The following ERC2 variants were observed in gnomAD, a reference collection of about 807,000 sequenced individuals.
ERC2 encodes ELKS/RAB6-interacting/CAST family member 2.
A neutral mutation model predicts 114.8 loss-of-function variants in ERC2; 42 were observed. The ratio of observed to expected loss-of-function variants is 0.37; its 90% CI spans 0.29 to 0.47. The LOEUF is 0.47. Among genes scored for constraint, ERC2 ranks in the 20% least tolerant of loss-of-function variants. The probability of loss-of-function intolerance (pLI) is 0.99; values close to 1 mark genes in which losing one functional copy is unlikely to be tolerated. For missense variants in ERC2, 939 were observed against 1,150.7 expected (o/e 0.82, Z 2.66); for synonymous variants, 454 against 425.5 (o/e 1.07, Z -0.82).
Position 56,042,939 on chromosome 3 carries a change from A to T in ERC2, c.1642-23908T>A, listed in dbSNP as rs4276153. 2.9e-3 allele frequency among the ~76,000 whole-genome samples: 435 copies of T among 152,292 alleles called. 8 individuals are homozygous for T. In the East Asian group the frequency reaches 0.056, roughly 20 times the overall value. ...GTCCTAAAACGGAACATCCTGAAAA[A>T]GTCCAATGATGGAATGGCAGGCAAA... is the stretch of plus-strand genomic sequence containing the variant. On this transcript the variant is annotated intron_variant, in intron 7 of 17. Coordinates refer to ENST00000288221, the MANE Select transcript of ERC2 (RefSeq NM_015576.3).
intron 16 of ERC2, among the ~76,000 whole-genome samples, chr3:55,691,573 A>AAAAAAAT (rs1553631525): frequency 7.5e-5 from 3 of 39,744 alleles, no homozygotes; most frequent in Admixed American, 3.6e-4. Context: ...AAAAAAAAAA[A>AAAAAAAT]ATATATATAT....
chr3:56,317,695 G>A (rs922747715), intron 2 of ERC2, among the ~76,000 whole-genome samples: 9 of 152,126 alleles, frequency 5.9e-5, no homozygotes, highest in Non-Finnish European at 2.9e-5. Context: ...AACAATGAGC[G>A]AGACACAGTA....
In ERC2 at chr3:55,950,333, T is replaced by A. The variant is rs73831817; in HGVS notation, c.2403+92A>T. The A allele has an allele frequency of 4.1e-3, 6,139 of 1,502,040 alleles. 44 individuals are homozygous for A. Among genetic ancestry groups the A allele is most frequent in the Middle Eastern group, 0.025 (144 of 5,708 alleles). 93.0% of individuals were successfully genotyped at this position (1,502,040 alleles called of 1,614,324 possible). On this transcript the variant is annotated intron_variant, in intron 13 of 17. Transcript: ENST00000288221. Reference sequence around the variant, plus strand: ...CTCAGGGCAAAGGCAAAGTCCACCATTTCTGTGCATATTTTCTGGCACCAA... The same window carrying A: ...CTCAGGGCAAAGGCAAAGTCCACCAATTCTGTGCATATTTTCTGGCACCAA...
At chr3:55,892,963 A>G (rs1311953524) in intron 13 of ERC2, among the ~76,000 whole-genome samples, 1 of 152,056 alleles carries the variant, frequency 6.6e-6, no homozygotes, top group African/African-American at 2.4e-5. Flanking sequence ...GACCTTTGGG[A>G]AATGATTAGG....
intron 6 of ERC2, among the ~76,000 whole-genome samples, chr3:56,091,874 G>A (rs926026839): frequency 6.6e-6 from 1 of 152,042 alleles, no homozygotes; most frequent in Non-Finnish European, 1.5e-5. Context: ...AGTCAGTAGA[G>A]TAATACTGAA....
At chr3:55,573,304 G>A (rs2056816713) in intron 17 of ERC2, among the ~76,000 whole-genome samples, 1 of 152,194 alleles carries the variant, frequency 6.6e-6, no homozygotes, top group Non-Finnish European at 1.5e-5. Context: ...TTGTTTTACG[G>A]GGTTATTTGA....
At chr3:55,560,980 CT>C (rs1209775243) in intron 17 of ERC2, among the ~76,000 whole-genome samples, 2 of 151,998 alleles carry the variant, frequency 1.3e-5, no homozygotes, top group African/African-American at 4.8e-5. Context: ...AAGACTCGGC[CT>C]TTTTGGGGAG....
chr3:55,582,441 G>T (rs1054353373), intron 17 of ERC2, among the ~76,000 whole-genome samples: 2 of 152,182 alleles, frequency 1.3e-5, no homozygotes, highest in Admixed American at 1.3e-4. Context: ...CTATGAAGTG[G>T]TCTACCACAC....
chr3:56,120,343 A>G (rs573833388), intron 6 of ERC2, among the ~76,000 whole-genome samples: 43 of 152,288 alleles, frequency 2.8e-4, no homozygotes, highest in African/African-American at 9.9e-4. Context: ...ATAAAAACCC[A>G]TGGATTTTAT....
At chr3:55,974,886 G>A (rs755871150) in intron 12 of ERC2, among the ~76,000 whole-genome samples, 2 of 152,100 alleles carry the variant, frequency 1.3e-5, no homozygotes, top group East Asian at 1.9e-4. Flanking sequence ...TTTCATCAAC[G>A]CCTGGAATCC....
chr3:56,285,707 T>C (rs1384716543), intron 3 of ERC2, among the ~76,000 whole-genome samples: 3 of 152,196 alleles, frequency 2.0e-5, no homozygotes, highest in African/African-American at 7.2e-5. Flanking sequence ...GGCAAGGCCA[T>C]GGCACACTAA....
intron 3 of ERC2, among the ~76,000 whole-genome samples, chr3:56,232,909 T>A: frequency 6.6e-6 from 1 of 152,358 alleles, no homozygotes; most frequent in Middle Eastern, 3.4e-3. Flanking sequence ...CGTTTCCGAA[T>A]AATTCTCATT....
intron 11 of ERC2, among the ~76,000 whole-genome samples, chr3:55,991,831 C>T (rs141479159): frequency 9.3e-4 from 141 of 152,336 alleles, no homozygotes; most frequent in African/African-American, 3.3e-3. Flanking sequence ...AAGTTGACCA[C>T]TATTTTCTTC....
At chr3:55,670,752 C>A (rs1350035429) in intron 17 of ERC2, among the ~76,000 whole-genome samples, 1 of 152,082 alleles carries the variant, frequency 6.6e-6, no homozygotes, top group Admixed American at 6.5e-5. Flanking sequence ...AATAATGGCC[C>A]AATAGGTCAA....
intron 10 of ERC2, among the ~76,000 whole-genome samples, chr3:55,999,039 G>GA (rs77508938): frequency 0.38 from 58,046 of 151,928 alleles, 11,489 homozygotes; most frequent in Middle Eastern, 0.53. Flanking sequence ...GAGGGACCCA[G>GA]AAGGTCTAAA....
rs145186176 is a variant in ERC2 at position 55,696,214 on chromosome 3, C to T, written c.2847+3164G>A. Among the ~76,000 whole-genome samples, 32 of 152,252 alleles carry T rather than the reference C, an allele frequency of 2.1e-4. 2 individuals carry two copies. In the East Asian group the frequency reaches 5.2e-3, roughly 25 times the overall value. On this transcript the variant is annotated intron_variant, in intron 16 of 17. Transcript: ENST00000288221. ...CGTAATTGAATTACCTAAGGTAAAA[C>T]GAGTTTTTCTGGAAAAGTAACAAGG...
chr3:56,160,888 G>A (rs1022839298), intron 4 of ERC2, among the ~76,000 whole-genome samples: 3 of 152,156 alleles, frequency 2.0e-5, no homozygotes, highest in Non-Finnish European at 2.9e-5. Context: ...TAGCCTTATA[G>A]CATAGTTTGA....
At chr3:56,168,272 A>G (rs2082428986) in intron 4 of ERC2, among the ~76,000 whole-genome samples, 1 of 152,076 alleles carries the variant, frequency 6.6e-6, no homozygotes, top group South Asian at 2.1e-4. Context: ...TGTGGTAGTG[A>G]TGTTGCTGTC....
chr3:55,599,911 C>A (rs1471618056), intron 17 of ERC2, among the ~76,000 whole-genome samples: 1 of 152,146 alleles, frequency 6.6e-6, no homozygotes, highest in African/African-American at 2.4e-5. Context: ...TTTGACAAAT[C>A]ATATCGCTCT....
Sources: allele counts gnomAD v4.1 joint callset (sites outside exome capture counted in the v4.1 genomes callset), GRCh38; gene constraint gnomAD v4.1.1; transcripts MANE v1.5; gene names NCBI Gene and HGNC (gene_info 2026-07-23, HGNC 2026-07-21).